Variants in IFT43 observed in about 807,000 individuals in gnomAD.
The protein encoded by IFT43 is intraflagellar transport protein 43 homolog.
In IFT43, 33 loss-of-function variants were observed where a neutral mutation model predicts 32.3. The observed-to-expected ratio is 1.02, with a 90% CI of 0.77 to 1.37. The LOEUF (loss-of-function observed/expected upper bound fraction) is 1.37. IFT43 is among the 40% of genes most tolerant of loss of function. IFT43 has a pLI of 0.00. For missense variants in IFT43, 274 were observed against 265.9 expected, an observed-to-expected ratio of 1.03 and a Z score of -0.21; for synonymous variants, 93 against 98.2, an observed-to-expected ratio of 0.95 and a Z score of 0.31.
At chr14:76,010,566 A>G (rs2036064356) in intron 2 of IFT43, among the ~76,000 whole-genome samples, 1 of 152,038 alleles carries the variant, frequency 6.6e-6, no homozygotes, top group Non-Finnish European at 1.5e-5. Context: ...CTTAAATTAT[A>G]ATTTATAAAA....
At chr14:76,009,692 T>C (rs2036044036) in intron 2 of IFT43, among the ~76,000 whole-genome samples, 1 of 152,140 alleles carries the variant, frequency 6.6e-6, no homozygotes, top group South Asian at 2.1e-4. Context: ...AGTTTGGAAG[T>C]GGGAGGAATC....
chr14:76,042,913 C>T (rs2036734035), intron 3 of IFT43, among the ~76,000 whole-genome samples: 1 of 152,216 alleles, frequency 6.6e-6, no homozygotes, highest in South Asian at 2.1e-4. Flanking sequence ...AGGTTTCTGC[C>T]TTTGAGGCCA....
At chr14:76,012,682 G>C (rs554362598) in intron 2 of IFT43, among the ~76,000 whole-genome samples, 1 of 152,348 alleles carries the variant, frequency 6.6e-6, no homozygotes, top group African/African-American at 2.4e-5. Flanking sequence ...GCTTTTAAGA[G>C]AGAACACAAG....
chr14:76,021,226 A>G (rs1488807740), intron 2 of IFT43, among the ~76,000 whole-genome samples: 2 of 152,070 alleles, frequency 1.3e-5, no homozygotes, highest in Non-Finnish European at 2.9e-5. Context: ...GTCAATCCCC[A>G]AGCCTCTTAG....
At chr14:76,074,568 C>G (rs1033030367) in intron 5 of IFT43, among the ~76,000 whole-genome samples, 1 of 152,184 alleles carries the variant, frequency 6.6e-6, no homozygotes, top group Admixed American at 6.5e-5. Flanking sequence ...GACTCTCAGG[C>G]CTGCAAGGCT....
chr14:76,037,199 C>T (rs2036615781), intron 3 of IFT43, among the ~76,000 whole-genome samples: 1 of 152,096 alleles, frequency 6.6e-6, no homozygotes, highest in South Asian at 2.1e-4. Flanking sequence ...CTGGGAGTTC[C>T]ATTTAGGCCC....
intron 1 of IFT43, among the ~76,000 whole-genome samples, chr14:75,988,082 T>A (rs1330344231): frequency 6.6e-6 from 1 of 152,234 alleles, no homozygotes; most frequent in Non-Finnish European, 1.5e-5. Flanking sequence ...TGGCATGAGG[T>A]ATCTGCCCAT....
At chr14:76,044,475 C>T (rs2140015996) in intron 3 of IFT43, among the ~76,000 whole-genome samples, 1 of 152,324 alleles carries the variant, frequency 6.6e-6, no homozygotes, top group East Asian at 1.9e-4. Flanking sequence ...TCTTGCTCTC[C>T]AGCCCAGAAA....
intron 2 of IFT43, among the ~76,000 whole-genome samples, chr14:76,000,012 G>A (rs2035852723): frequency 6.6e-6 from 1 of 152,208 alleles, no homozygotes; most frequent in African/African-American, 2.4e-5. Context: ...GGCGGTTGGA[G>A]CAGTCCTTCT....
chr14:76,011,449 C>T (rs759891016), intron 2 of IFT43, among the ~76,000 whole-genome samples: 4 of 152,194 alleles, frequency 2.6e-5, no homozygotes, highest in African/African-American at 4.8e-5. Flanking sequence ...CAGCACATTA[C>T]GTCCCACTGT....
At chr14:76,010,100 GTTC>G (rs751775826) in intron 2 of IFT43, among the ~76,000 whole-genome samples, 1 of 152,104 alleles carries the variant, frequency 6.6e-6, no homozygotes, top group Non-Finnish European at 1.5e-5. Flanking sequence ...GGCCTCTAGT[GTTC>G]TTCTACCACA....
At chr14:76,013,795 T>G (rs1271643833) in intron 2 of IFT43, 1 of 295,800 alleles carries the variant, frequency 3.4e-6, no homozygotes, top group Non-Finnish European at 6.9e-6. Flanking sequence ...GGCTAATTGT[T>G]CCTGACAACC....
At chr14:76,077,386 T>TA in intron 5 of IFT43, among the ~76,000 whole-genome samples, 1 of 152,210 alleles carries the variant, frequency 6.6e-6, no homozygotes, top group Non-Finnish European at 1.5e-5. Flanking sequence ...TGTAGAGAAG[T>TA]AGAGAAGGTT....
At chr14:76,034,771 G>A (rs2036569309) in intron 3 of IFT43, among the ~76,000 whole-genome samples, 1 of 152,202 alleles carries the variant, frequency 6.6e-6, no homozygotes, top group Non-Finnish European at 1.5e-5. Flanking sequence ...CACAGAAAGG[G>A]CCAAGTTCAG....
chr14:76,083,701 C>A lies in IFT43; in HGVS notation c.*124C>A. 2.2e-6 allele frequency: 2 copies of A among 912,140 alleles called. No individual in the cohort carries two copies. Among genetic ancestry groups the A allele is most frequent in the Non-Finnish European group, 3.4e-6 (2 of 580,442 alleles). 56.5% of individuals were successfully genotyped at this position (912,140 alleles called of 1,614,324 possible). On this transcript the variant is annotated 3_prime_UTR_variant, in exon 9 of 9. Coordinates refer to ENST00000314067, the MANE Select transcript of IFT43 (RefSeq NM_001102564.3). ...AAAAATATTTATATTCAGTCAACCA[C>A]ATTGGATAATTCAATTGCAATAAAT... is the stretch of plus-strand genomic sequence containing the variant.
intron 2 of IFT43, among the ~76,000 whole-genome samples, chr14:75,991,971 C>T (rs1375189209): frequency 6.6e-6 from 1 of 152,246 alleles, no homozygotes; most frequent in Admixed American, 6.5e-5. Flanking sequence ...TGCCCATTTA[C>T]ATTCCGATTC....
At chr14:75,989,745 C>T (rs2035600219) in intron 2 of IFT43, among the ~76,000 whole-genome samples, 1 of 152,110 alleles carries the variant, frequency 6.6e-6, no homozygotes, top group Non-Finnish European at 1.5e-5. Flanking sequence ...CAGTGAGTTC[C>T]CAGACAGCAG....
chr14:76,027,593 C>G (rs1030125740), intron 3 of IFT43, among the ~76,000 whole-genome samples: 2 of 151,672 alleles, frequency 1.3e-5, no homozygotes, highest in African/African-American at 4.9e-5. Context: ...CCTGTAGTCC[C>G]AGCTACTCGG....
chr14:76,036,706 A>G (rs1436982718), intron 3 of IFT43, among the ~76,000 whole-genome samples: 1 of 151,906 alleles, frequency 6.6e-6, no homozygotes, highest in Non-Finnish European at 1.5e-5. Flanking sequence ...TGCCTGGCCT[A>G]GTTGTTATAT....
Sources: allele counts gnomAD v4.1 joint callset (sites outside exome capture counted in the v4.1 genomes callset), GRCh38; gene constraint gnomAD v4.1.1; transcripts MANE v1.5; gene names NCBI Gene and HGNC (gene_info 2026-07-23, HGNC 2026-07-21).